Variants in KCNH5 observed in about 807,000 individuals in gnomAD.
KCNH5 encodes the protein potassium voltage-gated channel subfamily H member 5.
Under a neutral mutation model 96.1 loss-of-function variants are expected in KCNH5, and 46 were observed. The ratio of observed to expected loss-of-function variants is 0.48; its 90% CI spans 0.38 to 0.61. The LOEUF (loss-of-function observed/expected upper bound fraction) is 0.61. Ranked by LOEUF, KCNH5 falls within the 20% of genes least tolerant of loss-of-function variation. The pLI is 0.00. For missense variants in KCNH5, 907 were observed against 1,225.8 expected, an observed-to-expected ratio of 0.74 and a Z score of 3.88; for synonymous variants, 439 against 449.8, an observed-to-expected ratio of 0.98 and a Z score of 0.30.
At chr14:62,832,554 A>G (rs891351586) in intron 8 of KCNH5, among the ~76,000 whole-genome samples, 2 of 152,184 alleles carry the variant, frequency 1.3e-5, no homozygotes, top group African/African-American at 4.8e-5. Context: ...ACGGTGAATA[A>G]TACTAAAATG....
intron 10 of KCNH5, among the ~76,000 whole-genome samples, chr14:62,732,173 G>A (rs926734460): frequency 6.6e-6 from 1 of 152,204 alleles, no homozygotes; most frequent in East Asian, 1.9e-4. Context: ...TCACGTTTAT[G>A]CCTTCTGTAT....
intron 6 of KCNH5, among the ~76,000 whole-genome samples, chr14:62,964,474 C>G (rs1400081333): frequency 6.6e-6 from 1 of 152,006 alleles, no homozygotes; most frequent in Non-Finnish European, 1.5e-5. Flanking sequence ...ATTATACTCA[C>G]AGACACACAC....
chr14:62,865,652 TC>T (rs1888120857), intron 7 of KCNH5, among the ~76,000 whole-genome samples: 1 of 152,228 alleles, frequency 6.6e-6, no homozygotes. Context: ...TGTACTCTCT[TC>T]CTTTATGTTG....
In KCNH5 at chr14:62,707,898, T is replaced by C. The variant is rs7161127; in HGVS notation, c.2577A>G (p.Arg859=). The change falls in exon 11 of 11, where the codon AGA becomes AGG. Residue 859 remains arginine (R), a synonymous_variant. Transcript: ENST00000322893. The stretch of plus-strand genomic sequence containing the variant: ...TTCCACTGTCACAAGAATCTGTTTT[T>C]CTTAGTGGGTTTTTGGTCACACTGT... The part of the protein sequence containing the change: ...SENSVTKNPL[R]KTDSCDSGIT... The C allele has an allele frequency of 0.98, 1,583,041 of 1,614,112 alleles. 777,786 individuals are homozygous for C. Among genetic ancestry groups the C allele is most frequent in the East Asian group, 1 (44,856 of 44,862 alleles).
chr14:62,830,608 T>C (rs1887324960), intron 8 of KCNH5, among the ~76,000 whole-genome samples: 1 of 151,752 alleles, frequency 6.6e-6, no homozygotes, highest in Non-Finnish European at 1.5e-5. Context: ...CTCACTATCA[T>C]GAGAGAACAG....
At chr14:62,756,329 G>A (rs928001815) in intron 10 of KCNH5, among the ~76,000 whole-genome samples, 3 of 152,030 alleles carry the variant, frequency 2.0e-5, no homozygotes, top group Admixed American at 1.3e-4. Flanking sequence ...GATATTCCAT[G>A]TTCATAGATT....
chr14:62,864,916 G>C (rs571617011), intron 7 of KCNH5, among the ~76,000 whole-genome samples: 2 of 152,202 alleles, frequency 1.3e-5, no homozygotes, highest in East Asian at 3.9e-4. Context: ...CCTGGCATTG[G>C]GGCACATGAG....
chr14:62,801,560 C>T (rs971824993), intron 9 of KCNH5, among the ~76,000 whole-genome samples: 3 of 121,092 alleles, frequency 2.5e-5, no homozygotes, highest in African/African-American at 9.4e-5. Context: ...AAACATGCAA[C>T]ATTTTTTATT....
chr14:63,000,989 C>CAT (rs1213246785), intron 4 of KCNH5, among the ~76,000 whole-genome samples: 1 of 152,108 alleles, frequency 6.6e-6, no homozygotes, highest in Non-Finnish European at 1.5e-5. Context: ...GTGGGGGGAC[C>CAT]ACTTGAGACT....
chr14:62,864,926 G>C (rs1320281630), intron 7 of KCNH5, among the ~76,000 whole-genome samples: 1 of 152,164 alleles, frequency 6.6e-6, no homozygotes, highest in Non-Finnish European at 1.5e-5. Flanking sequence ...GGGCACATGA[G>C]AGGCTGTTGC....
chr14:62,932,274 A>G (rs1889594242), intron 7 of KCNH5, among the ~76,000 whole-genome samples: 2 of 152,124 alleles, frequency 1.3e-5, no homozygotes, highest in Non-Finnish European at 2.9e-5. Flanking sequence ...ACCCTCAGAA[A>G]GAGAAGAGGA....
At chr14:62,831,628 T>C (rs542247955) in intron 8 of KCNH5, among the ~76,000 whole-genome samples, 5 of 152,370 alleles carry the variant, frequency 3.3e-5, no homozygotes, top group African/African-American at 1.2e-4. Context: ...AATGCTTTAC[T>C]GATTTTGTAT....
intron 7 of KCNH5, among the ~76,000 whole-genome samples, chr14:62,862,127 T>A (rs750153080): frequency 1.3e-5 from 2 of 152,214 alleles, no homozygotes; most frequent in Non-Finnish European, 2.9e-5. Context: ...AAATACAGAA[T>A]ATAACTTACA....
At chr14:62,727,626 T>A (rs1884957705) in intron 10 of KCNH5, among the ~76,000 whole-genome samples, 1 of 152,136 alleles carries the variant, frequency 6.6e-6, no homozygotes, top group Non-Finnish European at 1.5e-5. Flanking sequence ...CTCAGTTTAG[T>A]GGAAGCAGGC....
At chr14:62,915,833 G>C (rs1889262123) in intron 7 of KCNH5, among the ~76,000 whole-genome samples, 1 of 152,100 alleles carries the variant, frequency 6.6e-6, no homozygotes, top group Non-Finnish European at 1.5e-5. Flanking sequence ...TTTAATATGA[G>C]ATAGGTGTCA....
intron 10 of KCNH5, among the ~76,000 whole-genome samples, chr14:62,732,300 G>A (rs1436398638): frequency 6.6e-6 from 1 of 151,900 alleles, no homozygotes; most frequent in Non-Finnish European, 1.5e-5. Context: ...CTTTCCCTTG[G>A]AGGAAATAAA....
intron 7 of KCNH5, among the ~76,000 whole-genome samples, chr14:62,873,158 A>AAC (rs1414436601): frequency 6.6e-6 from 1 of 152,088 alleles, no homozygotes; most frequent in African/African-American, 2.4e-5. Context: ...TCAAAAAAAA[A>AAC]AAAAAGAAGA....
chr14:62,821,906 A>G (rs1027702139), intron 8 of KCNH5, among the ~76,000 whole-genome samples: 1 of 152,150 alleles, frequency 6.6e-6, no homozygotes, highest in Non-Finnish European at 1.5e-5. Context: ...CCTGGAGGTG[A>G]ATGTACTGAT....
At chr14:62,776,805 T>C (rs1401170800) in intron 10 of KCNH5, among the ~76,000 whole-genome samples, 1 of 152,204 alleles carries the variant, frequency 6.6e-6, no homozygotes, top group African/African-American at 2.4e-5. Context: ...GTAAGCATCT[T>C]ATTTTTCCTT....
Sources: allele counts gnomAD v4.1 joint callset (sites outside exome capture counted in the v4.1 genomes callset), GRCh38; gene constraint gnomAD v4.1.1; transcripts MANE v1.5; gene names NCBI Gene and HGNC (gene_info 2026-07-23, HGNC 2026-07-21).